IGF1: variants seen among roughly 807,000 people sequenced by gnomAD.
IGF1 encodes the protein insulin like growth factor 1.
A neutral mutation model predicts 13.8 loss-of-function variants in IGF1; 4 were observed. The observed-to-expected ratio is 0.29, with a 90% CI of 0.14 to 0.66. IGF1 has a LOEUF of 0.66. Ranked by LOEUF, IGF1 falls within the 30% of genes least tolerant of loss-of-function variation. The probability of loss-of-function intolerance (pLI) is 0.78; values close to 1 mark genes in which losing one functional copy is unlikely to be tolerated. For synonymous variants in IGF1, 76 were observed against 72.6 expected (o/e 1.05, Z -0.23); for missense variants, 124 against 188.5 (o/e 0.66, Z 2.00).
chr12:102,441,915 C>CCTCTTCTTCTTCTTCTT (rs1877798660), intron 2 of IGF1, among the ~76,000 whole-genome samples: 1 of 122,140 alleles, frequency 8.2e-6, no homozygotes, highest in African/African-American at 3.1e-5. Context: ...TGCTTCTTCT[C>CCTCTTCTTCTTCTTCTT]CTTCTTCTTC....
chr12:102,458,730 C>CAAAAAAAAAAAAAAAAAAAAAAA (rs397825972), intron 2 of IGF1, among the ~76,000 whole-genome samples: 5 of 73,428 alleles, frequency 6.8e-5, no homozygotes, highest in Non-Finnish European at 1.2e-4. Flanking sequence ...GAACACTGAC[C>CAAAAAAAAAAAAAAAAAAAAAAA]AAAAAAAAAA....
At position 102,419,705 on chromosome 12, in the gene IGF1, C is replaced by G. The variant is rs1382555461; in HGVS notation, c.221-15G>C. On this transcript the variant is annotated splice_polypyrimidine_tract_variant and intron_variant, in intron 2 of 3. Coordinates refer to ENST00000337514, the MANE Select transcript of IGF1 (RefSeq NM_000618.5). The stretch of plus-strand genomic sequence containing the variant: ...TGTGGGCTTGTCTGCACAAATCAAA[C>G]AGAGTGGCCTCATGTTAGGGTGCAA... 2 of 1,610,208 alleles carry G rather than the reference C, an allele frequency of 1.2e-6. No individual in the cohort carries two copies. The highest frequency in any genetic ancestry group is 1.7e-6 in the Non-Finnish European group (2 of 1,179,930).
chr12:102,419,387 G>T, intron 3 of IGF1, 122 bp downstream of exon 3: 1 of 933,268 alleles, frequency 1.1e-6, no homozygotes, highest in Non-Finnish European at 1.6e-6. Context: ...TCCCTTTGGT[G>T]CAAAGGAGCT....
At position 102,428,378 on chromosome 12, in the gene IGF1, A is replaced by G. The variant is rs546365546; in HGVS notation, c.221-8688T>C. ...AAACAAGATGTATAAGCTGAATTTAAGGAAAGCAGGGATCAGTGTTGAGTC... is the reference window on the plus strand; with the variant it reads ...AAACAAGATGTATAAGCTGAATTTAGGGAAAGCAGGGATCAGTGTTGAGTC... On this transcript the variant is annotated intron_variant, in intron 2 of 3. Coordinates refer to ENST00000337514, the MANE Select transcript of IGF1 (RefSeq NM_000618.5). Among the ~76,000 whole-genome samples the G allele has an allele frequency of 2.0e-5, 3 of 151,892 alleles. No individual in the cohort carries two copies. The South Asian group carries it at 6.2e-4, about 32-fold the overall frequency.
chr12:102,406,052 G>C (rs1874126704), intron 3 of IGF1, among the ~76,000 whole-genome samples: 1 of 152,250 alleles, frequency 6.6e-6, no homozygotes, highest in Admixed American at 6.5e-5. Flanking sequence ...ACTCACTTGA[G>C]TGAAGCAGAT....
At chr12:102,443,402 G>A (rs5742649) in intron 2 of IGF1, among the ~76,000 whole-genome samples, 2,657 of 152,200 alleles carry the variant, frequency 0.017, 51 homozygotes, top group Middle Eastern at 0.027. Context: ...CTTGGCCCCT[G>A]CAGATGAGGG....
At chr12:102,407,384 C>T (rs775884597) in intron 3 of IGF1, among the ~76,000 whole-genome samples, 2 of 152,118 alleles carry the variant, frequency 1.3e-5, no homozygotes, top group Non-Finnish European at 2.9e-5. Context: ...GAACATTTGT[C>T]ATGTGCTGGG....
intron 2 of IGF1, among the ~76,000 whole-genome samples, chr12:102,424,121 C>T (rs1423622129): frequency 6.6e-6 from 1 of 151,986 alleles, no homozygotes; most frequent in African/African-American, 2.4e-5. Flanking sequence ...AAAACGCAAA[C>T]GTTTTCAAGT....
chr12:102,458,401 A>G (rs892158461), intron 2 of IGF1, among the ~76,000 whole-genome samples: 3 of 152,140 alleles, frequency 2.0e-5, no homozygotes, highest in Non-Finnish European at 4.4e-5. Flanking sequence ...GCCAGCTTCC[A>G]ACAAAAAGGA....
intron 2 of IGF1, among the ~76,000 whole-genome samples, chr12:102,452,732 T>G (rs1384447157): frequency 6.6e-6 from 1 of 152,194 alleles, no homozygotes; most frequent in Admixed American, 6.5e-5. Context: ...TCTTATTGGC[T>G]AACTGCACCT....
chr12:102,423,258 C>CA (rs1875893511), intron 2 of IGF1: 3 of 57,734 alleles, frequency 5.2e-5, no homozygotes, highest in African/African-American at 1.5e-4. Context: ...CTCGATGCTA[C>CA]GAAAAAAAAA....
Position 102,396,194 on chromosome 12 carries a change from T to G in IGF1, c.*6313A>C, listed in dbSNP as rs1873167076. The G allele has an allele frequency of 6.6e-6, 1 of 152,260 alleles. No individual in the cohort carries two copies. Among genetic ancestry groups the G allele is most frequent in the Non-Finnish European group, 1.5e-5 (1 of 68,042 alleles). 9.4% of individuals were successfully genotyped at this position (152,260 alleles called of 1,614,324 possible). On this transcript the variant is annotated 3_prime_UTR_variant, in exon 4 of 4. Transcript: ENST00000337514. ...AATTCAGTGTCTGTAAGTTTATTTA[T>G]CACACTTGGCCTATAAGTGTGATAA...
At chr12:102,446,829 A>T (rs1430909451) in intron 2 of IGF1, among the ~76,000 whole-genome samples, 1 of 152,134 alleles carries the variant, frequency 6.6e-6, no homozygotes, top group East Asian at 1.9e-4. Context: ...TGTCGATTTT[A>T]GATCTTTCCC....
At chr12:102,478,967 A>T (rs1221118016) in intron 1 of IGF1, among the ~76,000 whole-genome samples, 1 of 152,214 alleles carries the variant, frequency 6.6e-6, no homozygotes, top group African/African-American at 2.4e-5. Context: ...TCAAGTACAG[A>T]AAAAAGTAAC....
intron 3 of IGF1, among the ~76,000 whole-genome samples, chr12:102,410,465 A>G (rs957741828): frequency 6.6e-6 from 1 of 152,226 alleles, no homozygotes; most frequent in African/African-American, 2.4e-5. Context: ...GAAACACCAG[A>G]TTCTAGCAAT....
rs1008335910 is a variant in IGF1, at chr12:102,400,884, A to T, written c.*1623T>A. 6.6e-6 allele frequency: 1 copy of T among 152,162 alleles called. No individual in the cohort carries two copies. Among genetic ancestry groups the T allele is most frequent in the African/African-American group, 2.4e-5 (1 of 41,448 alleles). 9.4% of individuals were successfully genotyped at this position (152,162 alleles called of 1,614,324 possible). A position where few individuals can be genotyped will look rare whatever the true frequency, so the allele number is the denominator to read the frequency against. ...CTTTTCACTTATCTTTGTATTCATAAAACCAAATGCAGAATTCAAAATCAA... is the reference window on the plus strand; with the variant it reads ...CTTTTCACTTATCTTTGTATTCATATAACCAAATGCAGAATTCAAAATCAA... On this transcript the variant is annotated 3_prime_UTR_variant, in exon 4 of 4. Coordinates refer to ENST00000337514, the MANE Select transcript of IGF1 (RefSeq NM_000618.5).
intron 2 of IGF1, chr12:102,423,098 G>A (rs1383488237): frequency 6.6e-6 from 1 of 151,996 alleles, no homozygotes; most frequent in African/African-American, 2.4e-5. Context: ...AAGAGATGAA[G>A]GAGAAAACTG....
At chr12:102,477,929 T>A in intron 1 of IGF1, among the ~76,000 whole-genome samples, 1 of 152,116 alleles carries the variant, frequency 6.6e-6, no homozygotes, top group Non-Finnish European at 1.5e-5. Flanking sequence ...CACATTTAAG[T>A]GCAGCGATAC....
intron 2 of IGF1, among the ~76,000 whole-genome samples, chr12:102,432,209 T>C (rs75118301): frequency 2.0e-5 from 3 of 152,234 alleles, no homozygotes; most frequent in Non-Finnish European, 4.4e-5. Flanking sequence ...CCCATATTGC[T>C]ATATAGTTTT....
Sources: gnomAD v4.1 joint callset for allele counts (sites outside exome capture counted in the v4.1 genomes callset) on GRCh38, gnomAD v4.1.1 for gene constraint, MANE v1.5 for transcripts, NCBI Gene and HGNC (gene_info 2026-07-23, HGNC 2026-07-21) for gene names.